Variants in GPC5 observed in about 807,000 individuals in gnomAD.
GPC5 encodes the protein glypican-5.
Under a neutral mutation model 53.9 loss-of-function variants are expected in GPC5, and 47 were observed. The observed-to-expected ratio is 0.87, with a 90% CI of 0.69 to 1.11. The LOEUF (loss-of-function observed/expected upper bound fraction) is 1.11. Among genes scored for constraint, GPC5 ranks in the 50% most tolerant of loss-of-function variants. The pLI is 0.00. For missense variants in GPC5, 748 were observed against 713.1 expected (o/e 1.05, Z -0.56); for synonymous variants, 286 against 263.3 (o/e 1.09, Z -0.84).
chr13:92,343,681 T>TA (rs2043386015), intron 7 of GPC5, among the ~76,000 whole-genome samples: 1 of 152,108 alleles, frequency 6.6e-6, no homozygotes, highest in Non-Finnish European at 1.5e-5. Context: ...TAATTTTTTC[T>TA]AACTCTAACC....
intron 7 of GPC5, among the ~76,000 whole-genome samples, chr13:92,770,478 T>C (rs1040385490): frequency 3.3e-5 from 5 of 151,496 alleles, no homozygotes; most frequent in Admixed American, 2.0e-4. Context: ...TTCACATCCA[T>C]TTAAAGTAAC....
intron 6 of GPC5, among the ~76,000 whole-genome samples, chr13:91,997,848 T>G (rs974461782): frequency 2.0e-5 from 3 of 152,152 alleles, no homozygotes; most frequent in Non-Finnish European, 4.4e-5. Flanking sequence ...AAAGGGAAGT[T>G]TTAATTTGAA....
chr13:91,667,645 G>A (rs1431500233), intron 2 of GPC5, among the ~76,000 whole-genome samples: 1 of 152,186 alleles, frequency 6.6e-6, no homozygotes, highest in Non-Finnish European at 1.5e-5. Flanking sequence ...CCATTGTTGA[G>A]GAGTCTGAAT....
At chr13:92,721,896 C>T (rs541284089) in intron 7 of GPC5, among the ~76,000 whole-genome samples, 1 of 152,056 alleles carries the variant, frequency 6.6e-6, no homozygotes, top group Admixed American at 6.6e-5. Flanking sequence ...ATAAAACTGT[C>T]ATTAAGTTCC....
intron 2 of GPC5, among the ~76,000 whole-genome samples, chr13:91,455,259 C>G (rs1480937453): frequency 6.6e-6 from 1 of 152,058 alleles, no homozygotes; most frequent in Non-Finnish European, 1.5e-5. Flanking sequence ...CACTTGTTTA[C>G]TTTACTAGAT....
At chr13:91,494,084 G>A (rs988004789) in intron 2 of GPC5, among the ~76,000 whole-genome samples, 3 of 151,484 alleles carry the variant, frequency 2.0e-5, no homozygotes, top group African/African-American at 7.3e-5. Flanking sequence ...TAGAGATGGG[G>A]TTACAACATG....
rs527583686 is a variant in GPC5, at chr13:91,549,582, A to G, written c.325+100660A>G. Among the ~76,000 whole-genome samples the G allele has an allele frequency of 5.9e-5, 9 of 152,318 alleles. No homozygotes were observed. The South Asian group carries it at 1.7e-3, about 28-fold the overall frequency. Reference sequence around the variant, plus strand: ...CTACAATAAGAACACAACAAACCTGATTAAAAGTGGGCCAAAGACCTTACC... The same window carrying G: ...CTACAATAAGAACACAACAAACCTGGTTAAAAGTGGGCCAAAGACCTTACC... On this transcript the variant is annotated intron_variant, in intron 2 of 7. Transcript: ENST00000377067.
intron 6 of GPC5, among the ~76,000 whole-genome samples, chr13:91,960,727 G>C (rs917157038): frequency 5.9e-5 from 9 of 151,886 alleles, no homozygotes; most frequent in African/African-American, 1.9e-4. Flanking sequence ...GGAACAGAAT[G>C]ATGAGCCCAG....
At chr13:92,758,720 T>A (rs1009802741) in intron 7 of GPC5, among the ~76,000 whole-genome samples, 2 of 152,098 alleles carry the variant, frequency 1.3e-5, no homozygotes, top group African/African-American at 4.8e-5. Context: ...GGTTTTCTCC[T>A]TTACCTGTAA....
intron 6 of GPC5, among the ~76,000 whole-genome samples, chr13:92,142,257 T>C (rs966501450): frequency 1.1e-4 from 17 of 152,198 alleles, no homozygotes; most frequent in African/African-American, 4.1e-4. Context: ...TCTCCCTTTT[T>C]GTAAATTCAA....
intron 2 of GPC5, among the ~76,000 whole-genome samples, chr13:91,644,873 A>T (rs752034956): frequency 3.9e-5 from 6 of 152,226 alleles, no homozygotes; most frequent in South Asian, 2.1e-4. Context: ...AAAAATTTAA[A>T]ATGTGCTGTT....
At chr13:91,433,035 A>T (rs1262959200) in intron 1 of GPC5, among the ~76,000 whole-genome samples, 1 of 152,156 alleles carries the variant, frequency 6.6e-6, no homozygotes. Context: ...AAGAAGACAA[A>T]GGTGGTTCTT....
intron 7 of GPC5, among the ~76,000 whole-genome samples, chr13:92,440,240 A>C (rs1295832365): frequency 6.6e-6 from 1 of 152,160 alleles, no homozygotes; most frequent in Non-Finnish European, 1.5e-5. Context: ...GTTTTTCAAC[A>C]CTTTACCCCT....
intron 6 of GPC5, among the ~76,000 whole-genome samples, chr13:92,114,493 T>C (rs1023533863): frequency 6.6e-6 from 1 of 152,232 alleles, no homozygotes; most frequent in African/African-American, 2.4e-5. Flanking sequence ...GACTGGAATT[T>C]ATACCAATTA....
At chr13:92,782,246 A>G (rs1415394700) in intron 7 of GPC5, among the ~76,000 whole-genome samples, 5 of 152,198 alleles carry the variant, frequency 3.3e-5, no homozygotes, top group Non-Finnish European at 7.3e-5. Context: ...ACATTCTTCC[A>G]TAAAGCCTTA....
intron 7 of GPC5, among the ~76,000 whole-genome samples, chr13:92,696,636 A>T (rs1028524619): frequency 6.6e-6 from 1 of 152,072 alleles, no homozygotes; most frequent in African/African-American, 2.4e-5. Flanking sequence ...ATTTTCTCCC[A>T]TTCTGTAGGT....
intron 5 of GPC5, among the ~76,000 whole-genome samples, chr13:91,902,541 C>T (rs1377750031): frequency 6.6e-6 from 1 of 151,956 alleles, no homozygotes; most frequent in Admixed American, 6.6e-5. Flanking sequence ...ACTTCCCCAA[C>T]AAAAAATCTG....
chr13:91,705,912 T>C (rs342692), intron 3 of GPC5, among the ~76,000 whole-genome samples: 34,414 of 147,260 alleles, frequency 0.23, 5,965 homozygotes, highest in African/African-American at 0.49. Context: ...TGGAGTTTTG[T>C]TCTTGTCGCC....
At chr13:92,015,546 G>A (rs888177900) in intron 6 of GPC5, among the ~76,000 whole-genome samples, 2 of 152,166 alleles carry the variant, frequency 1.3e-5, no homozygotes, top group Non-Finnish European at 2.9e-5. Context: ...ACACTACCTA[G>A]TGTTTACTGT....
Sources: allele counts gnomAD v4.1 joint callset (sites outside exome capture counted in the v4.1 genomes callset), GRCh38; gene constraint gnomAD v4.1.1; transcripts MANE v1.5; gene names NCBI Gene and HGNC (gene_info 2026-07-23, HGNC 2026-07-21).